Variants in DPP10 observed in about 807,000 individuals in gnomAD.
DPP10 encodes the protein dipeptidyl peptidase like 10.
In DPP10, 33 loss-of-function variants were observed where a neutral mutation model predicts 120.9. The ratio of observed to expected loss-of-function variants is 0.27; its 90% CI spans 0.21 to 0.37. The LOEUF is 0.37. DPP10 is among the 10% of genes least tolerant of loss of function. The probability of loss-of-function intolerance (pLI) is 1.00; values close to 1 mark genes in which losing one functional copy is unlikely to be tolerated. For missense variants in DPP10, 816 were observed against 942.8 expected, an observed-to-expected ratio of 0.87 and a Z score of 1.76; for synonymous variants, 337 against 326.1, an observed-to-expected ratio of 1.03 and a Z score of -0.36.
chr2:115,286,857 T>A (rs565754929), intron 1 of DPP10, among the ~76,000 whole-genome samples: 1 of 152,052 alleles, frequency 6.6e-6, no homozygotes, highest in South Asian at 2.1e-4. Flanking sequence ...GACAAATCCT[T>A]GAAAAGGAAT....
At chr2:114,906,461 A>C (rs1165406712) in intron 1 of DPP10, among the ~76,000 whole-genome samples, 1 of 151,892 alleles carries the variant, frequency 6.6e-6, no homozygotes, top group African/African-American at 2.4e-5. Context: ...GATAATGTAT[A>C]GTCCTTCACC....
chr2:115,457,443 A>G (rs2073656505), intron 3 of DPP10, among the ~76,000 whole-genome samples: 1 of 152,142 alleles, frequency 6.6e-6, no homozygotes, highest in South Asian at 2.1e-4. Context: ...AGTCAGGGAG[A>G]ATGAATTTGC....
chr2:114,703,196 C>T (rs947405387), intron 1 of DPP10, among the ~76,000 whole-genome samples: 15 of 152,194 alleles, frequency 9.9e-5, no homozygotes, highest in African/African-American at 3.6e-4. Context: ...TAGAGTTTTA[C>T]ATTAACGAAG....
rs74182885 is a variant in DPP10, at chr2:114,834,646, A to T, written c.60+391808A>T. 1.3e-4 allele frequency among the ~76,000 whole-genome samples: 6 copies of T among 47,190 alleles called. 2 individuals carry two copies. Among genetic ancestry groups the T allele is most frequent in the South Asian group, 8.6e-4 (1 of 1,168 alleles). The allele number at this position is 47,190 out of a possible 152,430, so 31.0% of individuals were successfully genotyped here. A position where few individuals can be genotyped will look rare whatever the true frequency, so the allele number is the denominator to read the frequency against. On this transcript the variant is annotated intron_variant, in intron 1 of 25. Coordinates refer to ENST00000410059, the MANE Select transcript of DPP10 (RefSeq NM_020868.6). ...CTATGTATATATAAGCCATATCTACACACCTATGTATATATATAGGCCATA... is the reference window on the plus strand; with the variant it reads ...CTATGTATATATAAGCCATATCTACTCACCTATGTATATATATAGGCCATA...
At chr2:115,511,019 T>C (rs2077195592) in intron 4 of DPP10, among the ~76,000 whole-genome samples, 1 of 152,148 alleles carries the variant, frequency 6.6e-6, no homozygotes, top group African/African-American at 2.4e-5. Context: ...TGTTTAGTAG[T>C]CCAGGCTCTT....
intron 7 of DPP10, among the ~76,000 whole-genome samples, chr2:115,720,372 G>A (rs1159175719): frequency 1.3e-5 from 2 of 151,978 alleles, no homozygotes; most frequent in Non-Finnish European, 2.9e-5. Context: ...TCCTCCAGAT[G>A]GTTTCTAGAC....
chr2:114,493,107 T>G (rs953868224), intron 1 of DPP10, among the ~76,000 whole-genome samples: 13 of 152,194 alleles, frequency 8.5e-5, no homozygotes, highest in Admixed American at 3.3e-4. Context: ...GCATAAAATA[T>G]AGAGATACAC....
rs190975568 is a variant in DPP10 at position 115,782,312 on chromosome 2, C to T, written c.1484-40C>T. 3.3e-5 allele frequency: 50 copies of T among 1,532,084 alleles called. No homozygotes were observed. The African/African-American group carries it at 6.2e-4, about 19-fold the overall frequency. The allele number at this position is 1,532,084 out of a possible 1,614,324, so 94.9% of individuals were successfully genotyped here. On this transcript the variant is annotated intron_variant, in intron 16 of 25. Transcript: ENST00000410059. ...AACTTTCTAATGATTATTACTTAGA[C>T]ATCTTTAAAAATATTTATACACATA...
At chr2:115,513,178 T>C (rs1339084567) in intron 4 of DPP10, among the ~76,000 whole-genome samples, 1 of 152,030 alleles carries the variant, frequency 6.6e-6, no homozygotes, top group Non-Finnish European at 1.5e-5. Flanking sequence ...GTGTATTTCA[T>C]TTGATGTTAG....
At chr2:114,884,446 C>T (rs1350582581) in intron 1 of DPP10, among the ~76,000 whole-genome samples, 1 of 152,096 alleles carries the variant, frequency 6.6e-6, no homozygotes, top group African/African-American at 2.4e-5. Context: ...TCTAGAAGCC[C>T]CTTCAATTCC....
intron 1 of DPP10, among the ~76,000 whole-genome samples, chr2:114,604,365 T>G (rs1378594022): frequency 1.3e-5 from 2 of 152,130 alleles, no homozygotes; most frequent in East Asian, 3.9e-4. Context: ...TTAACTCATA[T>G]TAACATAGTC....
At chr2:114,768,723 A>G (rs1680969873) in intron 1 of DPP10, among the ~76,000 whole-genome samples, 1 of 152,176 alleles carries the variant, frequency 6.6e-6, no homozygotes, top group African/African-American at 2.4e-5. Flanking sequence ...CACCTGTCAG[A>G]AAGAGAGGGT....
At chr2:115,181,005 C>CTTAATATATTTAGGAAAATAT (rs370445926) in intron 1 of DPP10, among the ~76,000 whole-genome samples, 1 of 151,650 alleles carries the variant, frequency 6.6e-6, no homozygotes, top group Non-Finnish European at 1.5e-5. Flanking sequence ...AAATATACGT[C>CTTAATATATTTAGGAAAATAT]ACTTAGTGAA....
intron 7 of DPP10, among the ~76,000 whole-genome samples, chr2:115,713,141 T>TA (rs200103572): frequency 6.6e-5 from 10 of 151,780 alleles, no homozygotes; most frequent in South Asian, 4.2e-4. Context: ...TAAAAAAAAT[T>TA]AAAAAAATAA....
rs191978622 is a variant in DPP10 at position 115,587,925 on chromosome 2, G to T, written c.441+61953G>T. Among the ~76,000 whole-genome samples, 546 of 152,186 alleles carry T rather than the reference G, an allele frequency of 3.6e-3. 4 individuals carry two copies. The highest frequency in any genetic ancestry group is 0.014 in the Middle Eastern group (4 of 294). On this transcript the variant is annotated intron_variant, in intron 5 of 25. Transcript: ENST00000410059. ...GAGATATAATTTACAATTAATCTAAGATCCAAGTAACAATTATTACAATTA... is the reference window on the plus strand; with the variant it reads ...GAGATATAATTTACAATTAATCTAATATCCAAGTAACAATTATTACAATTA...
intron 2 of DPP10, among the ~76,000 whole-genome samples, chr2:115,313,760 A>T (rs974888328): frequency 6.6e-6 from 1 of 152,226 alleles, no homozygotes. Context: ...GAGAAGTCCT[A>T]ACTATTTTTG....
chr2:115,375,232 G>T (rs2065700505), intron 3 of DPP10, among the ~76,000 whole-genome samples: 1 of 152,166 alleles, frequency 6.6e-6, no homozygotes. Flanking sequence ...CTGCTTAGAA[G>T]TTTCTTCCAA....
chr2:115,486,930 G>A (rs1043259204), intron 3 of DPP10, among the ~76,000 whole-genome samples: 8 of 151,928 alleles, frequency 5.3e-5, no homozygotes, highest in Admixed American at 3.3e-4. Context: ...TCATAGGATC[G>A]GCACTTCCAC....
chr2:115,180,913 C>A (rs751150164), intron 1 of DPP10, among the ~76,000 whole-genome samples: 75 of 260 alleles, frequency 0.29, no homozygotes, highest in Non-Finnish European at 0.34. Flanking sequence ...TCCATGCCTC[C>A]CTTCCTCCTG....
Sources: allele counts gnomAD v4.1 joint callset (sites outside exome capture counted in the v4.1 genomes callset), GRCh38; gene constraint gnomAD v4.1.1; transcripts MANE v1.5; gene names NCBI Gene and HGNC (gene_info 2026-07-23, HGNC 2026-07-21).